The following UBQLN3 variants were observed in gnomAD, a reference collection of about 807,000 sequenced individuals.
UBQLN3 encodes the protein ubiquilin 3.
UBQLN3 carries 1 observed loss-of-function variant against 2.9 expected under a neutral mutation model. The ratio of observed to expected loss-of-function variants is 0.35; its 90% CI spans 0.12 to 1.66. The LOEUF (loss-of-function observed/expected upper bound fraction) is 1.66. Ranked by LOEUF, UBQLN3 falls within the 40% of genes most tolerant of loss-of-function variation. The pLI is 0.35. For synonymous variants in UBQLN3, 358 were observed against 317.6 expected (o/e 1.13, Z -1.35); for missense variants, 924 against 816.5 (o/e 1.13, Z -1.61).
rs752675976 is a variant in UBQLN3 at position 5,508,687 on chromosome 11, C to CTGG, written c.869_871dup (p.Thr290dup). Reference sequence around the variant, plus strand: ...ACAATTCTCCATCCTTGAAGGTTGGCTGGTGGTGGTGGTGGCATTATCAGT... The same window carrying CTGG: ...ACAATTCTCCATCCTTGAAGGTTGGCTGGTGGTGGTGGTGGTGGCATTATCAGT... On this transcript the variant is annotated inframe_insertion, in exon 2 of 2. Coordinates refer to ENST00000311659, the MANE Select transcript of UBQLN3 (RefSeq NM_017481.4). This position sits in a 1 kb window ranked among gnomAD's most constrained non-coding sequence, Gnocchi z 4.2. 1.2e-6 allele frequency: 2 copies of CTGG among 1,613,806 alleles called. No homozygotes were observed. The highest frequency in any genetic ancestry group is 1.7e-6 in the Non-Finnish European group (2 of 1,179,982).
In UBQLN3 at chr11:5,508,876, G is replaced by T. The variant is rs1424317154; in HGVS notation, c.683C>A (p.Ala228Asp). The change falls in exon 2 of 2, where the codon GCC becomes GAC. Residue 228 changes from alanine (A) to aspartate (D), a missense_variant. Coordinates refer to ENST00000311659, the MANE Select transcript of UBQLN3 (RefSeq NM_017481.4). This position sits in a 1 kb window ranked among gnomAD's most constrained non-coding sequence, Gnocchi z 4.2. ...RQTLEFLRNP[A>D]MMQEMIRSQD... is the part of the protein sequence containing the mutation. ...GCTACGTATCATCTCCTGCATCATGGCAGGGTTACGTAAAAACTCCAGTGT... is the reference window on the plus strand; with the variant it reads ...GCTACGTATCATCTCCTGCATCATGTCAGGGTTACGTAAAAACTCCAGTGT... 1 of 1,614,170 alleles carries T rather than the reference G, an allele frequency of 6.2e-7. No individual in the cohort carries two copies.
Position 5,507,791 on chromosome 11 carries a change from A to G in UBQLN3, c.1768T>C (p.Phe590Leu). 6.2e-7 allele frequency: 1 copy of G among 1,614,066 alleles called. No homozygotes were observed. The highest frequency in any genetic ancestry group is 8.5e-7 in the Non-Finnish European group (1 of 1,180,006). ...ATATGGAGAAAGGGAGGGGAAAGGAAGCCCAGCTCTGCAGAGTCCAGTGCT... is the reference window on the plus strand; with the variant it reads ...ATATGGAGAAAGGGAGGGGAAAGGAGGCCCAGCTCTGCAGAGTCCAGTGCT... ...FPALDSAELG[F>L]LSPPFLHMLQ... The change falls in exon 2 of 2, where the codon TTC (phenylalanine) becomes CTC (leucine). Residue 590 changes from phenylalanine to leucine, a missense_variant. Phe to Leu is a conservative substitution (Grantham distance 22, BLOSUM62 0). Transcript: ENST00000311659.
In UBQLN3 at chr11:5,507,907, C is replaced by T. The variant is rs1846403603; in HGVS notation, c.1652G>A (p.Gly551Glu). 1 of 1,613,766 alleles carries T rather than the reference C, an allele frequency of 6.2e-7. No individual in the cohort carries two copies. Among genetic ancestry groups the T allele is most frequent in the African/African-American group, 1.3e-5 (1 of 74,920 alleles). The change falls in exon 2 of 2, where the codon GGG becomes GAG. Residue 551 changes from glycine to glutamate, a missense_variant. Coordinates refer to ENST00000311659, the MANE Select transcript of UBQLN3 (RefSeq NM_017481.4). ...LLLWFMPCLA[G>E]TGSVAGGIES... ...TATACCTCCTGCCACACTACCCGTC[C>T]CTGCTAGGCAAGGCATGAACCAGAG...
At position 5,507,977 on chromosome 11, in the gene UBQLN3, C is replaced by G. The variant is rs2094942833; in HGVS notation, c.1582G>C (p.Glu528Gln). 6.2e-7 allele frequency: 1 copy of G among 1,614,054 alleles called. No individual in the cohort carries two copies. Among genetic ancestry groups the G allele is most frequent in the Non-Finnish European group, 8.5e-7 (1 of 1,180,036 alleles). The change falls in exon 2 of 2, where the codon GAG (glutamate) becomes CAG (glutamine). Residue 528 changes from glutamate to glutamine, a missense_variant. Physicochemically the swap from Glu to Gln is conservative, Grantham distance 29. Coordinates refer to ENST00000311659, the MANE Select transcript of UBQLN3 (RefSeq NM_017481.4). ...GTAGCTAGGACCTGTAGACCCTGCT[C>G]AATCTGCCGCAGGGCTTGCAGGGCA... ...PRALQALRQI[E>Q]QGLQVLATEA...
In UBQLN3 at chr11:5,507,768, A is replaced by T; in HGVS notation, c.1791T>A (p.His597Gln). The T allele has an allele frequency of 6.2e-7, 1 of 1,614,070 alleles. No individual in the cohort carries two copies. The highest frequency in any genetic ancestry group is 8.5e-7 in the Non-Finnish European group (1 of 1,180,010). ...ELGFLSPPFL[H>Q]MLQDLVSTNP... ...TTGTACTAACTAAATCTTGCAGCAT[A>T]TGGAGAAAGGGAGGGGAAAGGAAGC... is the stretch of plus-strand genomic sequence containing the variant. Residue 597 changes from histidine to glutamine, a missense_variant, in exon 2 of 2, where the codon CAT becomes CAA. By Grantham distance (24) the His-to-Gln change is conservative. Transcript: ENST00000311659.
At position 5,508,309 on chromosome 11, in the gene UBQLN3, G is replaced by T. The variant is rs1176606553; in HGVS notation, c.1250C>A (p.Thr417Lys). 5 of 1,611,300 alleles carry T rather than the reference G, an allele frequency of 3.1e-6. No individual in the cohort carries two copies. Among genetic ancestry groups the T allele is most frequent in the Non-Finnish European group, 4.2e-6 (5 of 1,178,062 alleles). Residue 417 changes from threonine (T) to lysine (K), a missense_variant, in exon 2 of 2, where the codon ACA becomes AAA. Thr to Lys is a moderately conservative substitution (Grantham distance 78). Coordinates refer to ENST00000311659, the MANE Select transcript of UBQLN3 (RefSeq NM_017481.4). This position sits in a 1 kb window ranked among gnomAD's most constrained non-coding sequence, Gnocchi z 4.2. ...SSCPAFLRYP[T>K]ENSTGQGGDQ... ...TCCACCTTGTCCAGTACTGTTCTCT[G>T]TGGGGTATCTCAGGAAAGCTGGGCA...
rs865927895 is a variant in UBQLN3, at chr11:5,509,507, C to T, written c.52G>A (p.Asp18Asn). The T allele has an allele frequency of 6.2e-7, 1 of 1,614,198 alleles. No homozygotes were observed. The highest frequency in any genetic ancestry group is 1.7e-5 in the Admixed American group (1 of 60,022). ...LPQGSPAPVQ[D>N]PHLIKVTVKT... The stretch of plus-strand genomic sequence containing the variant: ...ACTGTCACCTTGATGAGGTGGGGAT[C>T]CTGGACTGGTGCTGGGCTGCCCTGT... Residue 18 changes from aspartate (D) to asparagine (N), a missense_variant, in exon 2 of 2, where the codon GAT becomes AAT. By Grantham distance (23) the Asp-to-Asn change is conservative. Transcript: ENST00000311659.
At position 5,508,768 on chromosome 11, in the gene UBQLN3, G is replaced by C. The variant is rs776211928; in HGVS notation, c.791C>G (p.Pro264Arg). 6 of 1,613,980 alleles carry C rather than the reference G, an allele frequency of 3.7e-6. No homozygotes were observed. The African/African-American group carries it at 5.3e-5, about 14-fold the overall frequency. The change falls in exon 2 of 2, where the codon CCA becomes CGA. Residue 264 changes from proline to arginine, a missense_variant. Physicochemically the swap from Pro to Arg is moderately radical, Grantham distance 103. Transcript: ENST00000311659. The surrounding 1 kb of genome is among the most constrained non-coding windows in gnomAD (Gnocchi z 4.2). ...CTGCTCCTGGACTGCGTTAAGCATT[G>C]GGTCCATAATATCTGTGTACATAGT... ...LCTMYTDIMD[P>R]MLNAVQEQFG...
Position 5,507,912 on chromosome 11 carries a change from T to C in UBQLN3, c.1647A>G (p.Leu549=), listed in dbSNP as rs756322680. The C allele has an allele frequency of 1.9e-6, 3 of 1,613,848 alleles. No individual in the cohort carries two copies. The South Asian group carries it at 3.3e-5, about 18-fold the overall frequency. ...PRLLLWFMPC[L]AGTGSVAGGI... ...CTCCTGCCACACTACCCGTCCCTGC[T>C]AGGCAAGGCATGAACCAGAGTAGGA... The change falls in exon 2 of 2, where the codon CTA becomes CTG. Residue 549 remains leucine, a synonymous_variant. Coordinates refer to ENST00000311659, the MANE Select transcript of UBQLN3 (RefSeq NM_017481.4).
Position 5,508,018 on chromosome 11 carries a change from G to A in UBQLN3, c.1541C>T (p.Ala514Val), listed in dbSNP as rs1477019802. The change falls in exon 2 of 2, where the codon GCC becomes GTC. Residue 514 changes from alanine (A) to valine (V), a missense_variant. By Grantham distance (64) the Ala-to-Val change is moderately conservative. Coordinates refer to ENST00000311659, the MANE Select transcript of UBQLN3 (RefSeq NM_017481.4). This position sits in a 1 kb window ranked among gnomAD's most constrained non-coding sequence, Gnocchi z 4.2. ...TTGCAGGGCACGGGGGTTTGCCATG[G>A]CTGCCTGAAGGTGCATCAGCAGTGG... Reference protein sequence around the residue: ...QLPLLMHLQAAMANPRALQAL... With the variant: ...QLPLLMHLQAVMANPRALQAL... 6.2e-7 allele frequency: 1 copy of A among 1,614,088 alleles called. No homozygotes were observed. Among genetic ancestry groups the A allele is most frequent in the South Asian group, 1.1e-5 (1 of 91,078 alleles).
chr11:5,507,473 A>C lies in UBQLN3; in HGVS notation c.*118T>G. On this transcript the variant is annotated 3_prime_UTR_variant, in exon 2 of 2. Transcript: ENST00000311659. ...TGGAACAACATTGCCTCCACAGCAA[A>C]GGACTTCATAGTAAATTTGGTTTAT... 1 of 1,493,712 alleles carries C rather than the reference A, an allele frequency of 6.7e-7. No homozygotes were observed. Among genetic ancestry groups the C allele is most frequent in the East Asian group, 2.3e-5 (1 of 43,610 alleles). 92.5% of individuals were successfully genotyped at this position (1,493,712 alleles called of 1,614,324 possible).
chr11:5,508,436 G>T lies in UBQLN3; in HGVS notation c.1123C>A (p.Pro375Thr), dbSNP rs780959705. Residue 375 changes from proline (P) to threonine (T), a missense_variant, in exon 2 of 2, where the codon CCA (proline) becomes ACA (threonine). Coordinates refer to ENST00000311659, the MANE Select transcript of UBQLN3 (RefSeq NM_017481.4). The surrounding 1 kb of genome is among the most constrained non-coding windows in gnomAD (Gnocchi z 4.2). ...GATGGGGGAACTCTGTTTACTGATG[G>T]TGGTGGTTCCTGGCTTTGGCTGAGG... ...SALSQSQEPP[P>T]SVNRVPPSSP... The T allele has an allele frequency of 1.2e-6, 2 of 1,606,618 alleles. No individual in the cohort carries two copies. The highest frequency in any genetic ancestry group is 3.4e-5 in the Admixed American group (2 of 59,282).
rs1846442842 is a variant in UBQLN3, at chr11:5,509,519, C to T, written c.40G>A (p.Ala14Thr). 6.2e-7 allele frequency: 1 copy of T among 1,614,060 alleles called. No individual in the cohort carries two copies. Among genetic ancestry groups the T allele is most frequent in the Non-Finnish European group, 8.5e-7 (1 of 1,179,942 alleles). Residue 14 changes from alanine (A) to threonine (T), a missense_variant, in exon 2 of 2, where the codon GCA (alanine) becomes ACA (threonine). By Grantham distance (58) the Ala-to-Thr change is moderately conservative. Coordinates refer to ENST00000311659, the MANE Select transcript of UBQLN3 (RefSeq NM_017481.4). The stretch of plus-strand genomic sequence containing the variant: ...ATGAGGTGGGGATCCTGGACTGGTG[C>T]TGGGCTGCCCTGTGGCAGGGCTTCT... ...GGEALPQGSP[A>T]PVQDPHLIKV...
chr11:5,509,735 G>A, intron 1 of UBQLN3, 139 bp downstream of exon 1: 2 of 1,094,192 alleles, frequency 1.8e-6, no homozygotes, highest in Non-Finnish European at 2.5e-6. Flanking sequence ...GGTTTCTGGG[G>A]CAGGATGCTT....
At position 5,509,613 on chromosome 11, in the gene UBQLN3, G is replaced by A; in HGVS notation, c.-36-19C>T. The A allele has an allele frequency of 6.4e-7, 1 of 1,558,964 alleles. No homozygotes were observed. Among genetic ancestry groups the A allele is most frequent in the Non-Finnish European group, 8.6e-7 (1 of 1,156,934 alleles). On this transcript the variant is annotated intron_variant, in intron 1 of 1. Transcript: ENST00000311659. The stretch of plus-strand genomic sequence containing the variant: ...GACACAGCTAGGGGCATGGGGATTG[G>A]AGACCAAGATCATCCTTTCAGGCAA...
chr11:5,508,635 G>A lies in UBQLN3; in HGVS notation c.924C>T (p.Ser308=), dbSNP rs186434. Residue 308 remains serine, a synonymous_variant, in exon 2 of 2, where the codon TCC becomes TCT. Coordinates refer to ENST00000311659, the MANE Select transcript of UBQLN3 (RefSeq NM_017481.4). The surrounding 1 kb of genome is among the most constrained non-coding windows in gnomAD (Gnocchi z 4.2). Reference sequence around the variant, plus strand: ...GCCTGCTACCTGAGCCTCCATGTGTGGAAGTCCAGGGGTTGGGGAGAGGGT... The same window carrying A: ...GCCTGCTACCTGAGCCTCCATGTGTAGAAGTCCAGGGGTTGGGGAGAGGGT... ...NCDPLPNPWT[S]THGGSGSRQG... is the part of the protein sequence containing the mutation. 1 allele frequency: 1,610,738 copies of A among 1,614,140 alleles called. 803,721 individuals are homozygous for A. The highest frequency in any genetic ancestry group is 1 in the East Asian group (44,862 of 44,862).
rs1846414978 is a variant in UBQLN3 at position 5,508,261 on chromosome 11, C to A, written c.1298G>T (p.Ser433Ile). The change falls in exon 2 of 2, where the codon AGC (serine) becomes ATC (isoleucine). Residue 433 changes from serine to isoleucine, a missense_variant. By Grantham distance (142) the Ser-to-Ile change is moderately radical (BLOSUM62 -2). Coordinates refer to ENST00000311659, the MANE Select transcript of UBQLN3 (RefSeq NM_017481.4). The surrounding 1 kb of genome is among the most constrained non-coding windows in gnomAD (Gnocchi z 4.2). ...QGGDQDGAGKSSTGHSTNLPD... is the reference protein window; with the variant it reads ...QGGDQDGAGKISTGHSTNLPD... ...CAAGTTTGTGCTATGTCCAGTAGAG[C>A]TTTTCCCTGCACCATCTTGGTCTCC... 30 of 1,614,028 alleles carry A rather than the reference C, an allele frequency of 1.9e-5. No individual in the cohort carries two copies. The highest frequency in any genetic ancestry group is 4.0e-5 in the African/African-American group (3 of 74,930).
At position 5,507,323 on chromosome 11, in the gene UBQLN3, T is replaced by C. The variant is rs568912021; in HGVS notation, c.*268A>G. 1.4e-3 allele frequency: 556 copies of C among 385,708 alleles called. 19 individuals carry two copies. In the South Asian group the frequency reaches 0.032, roughly 23 times the overall value. The allele number at this position is 385,708 out of a possible 1,614,324, so 23.9% of individuals were successfully genotyped here. A position where few individuals can be genotyped will look rare whatever the true frequency, so the allele number is the denominator to read the frequency against. Reference sequence around the variant, plus strand: ...AGTTCACATTGGAAATTGGGTGTAATTGCATCTCAAGATAGGCATAAGCAG... The same window carrying C: ...AGTTCACATTGGAAATTGGGTGTAACTGCATCTCAAGATAGGCATAAGCAG... On this transcript the variant is annotated 3_prime_UTR_variant, in exon 2 of 2. Transcript: ENST00000311659.
At position 5,508,105 on chromosome 11, in the gene UBQLN3, G is replaced by A. The variant is rs773974129; in HGVS notation, c.1454C>T (p.Ser485Phe). 1.4e-5 allele frequency: 22 copies of A among 1,614,064 alleles called. No homozygotes were observed. The South Asian group carries it at 2.3e-4, about 17-fold the overall frequency. ...TGGATTCATGCCATCTGGCCTCAGA[G>A]ATCTTGGATAAGCCGGGGATGGCAG... ...PWLPSPAYPR[S>F]LRPDGMNPAP... Residue 485 changes from serine to phenylalanine, a missense_variant, in exon 2 of 2, where the codon TCT becomes TTT. Physicochemically the swap from Ser to Phe is radical, Grantham distance 155. Coordinates refer to ENST00000311659, the MANE Select transcript of UBQLN3 (RefSeq NM_017481.4). The surrounding 1 kb of genome is among the most constrained non-coding windows in gnomAD (Gnocchi z 4.2).
Sources: allele counts gnomAD v4.1 joint callset, GRCh38; gene constraint gnomAD v4.1.1; non-coding constraint Gnocchi (gnomAD v3.1); transcripts MANE v1.5; gene names NCBI Gene and HGNC (gene_info 2026-07-23, HGNC 2026-07-21).